NCKAP1: variants seen among roughly 807,000 people sequenced by gnomAD.
NCKAP1 encodes nck-associated protein 1.
A neutral mutation model predicts 151.2 loss-of-function variants in NCKAP1; 21 were observed. That is an observed-to-expected ratio of 0.14 (90% confidence interval 0.10 to 0.20). The LOEUF is 0.20. NCKAP1 is among the 10% of genes least tolerant of loss of function. The probability of loss-of-function intolerance (pLI) is 1.00; values close to 1 mark genes in which losing one functional copy is unlikely to be tolerated. For synonymous variants in NCKAP1, 484 were observed against 451.8 expected, an observed-to-expected ratio of 1.07 and a Z score of -0.90; for missense variants, 933 against 1,352.1, an observed-to-expected ratio of 0.69 and a Z score of 4.86.
At chr2:182,982,772 A>G in intron 12 of NCKAP1, 49 bp downstream of exon 12, 1 of 1,246,264 alleles carries the variant, frequency 8.0e-7, no homozygotes, top group South Asian at 1.4e-5. Flanking sequence ...ATTGTAAATC[A>G]AGAAGCATCT....
intron 2 of NCKAP1, among the ~76,000 whole-genome samples, chr2:183,007,090 C>CTCAAATTCCTAA (rs1194023631): frequency 2.6e-5 from 4 of 152,122 alleles, no homozygotes; most frequent in Non-Finnish European, 5.9e-5. Context: ...TCAGGCTGGT[C>CTCAAATTCCTAA]TCAAATTCCT....
intron 15 of NCKAP1, 67 bp from the exon 16 acceptor site, chr2:182,967,428 A>G: frequency 7.3e-7 from 1 of 1,367,426 alleles, no homozygotes; most frequent in Non-Finnish European, 1.0e-6. Context: ...GTCATTTTAC[A>G]GGGGGAAAAG....
intron 15 of NCKAP1, among the ~76,000 whole-genome samples, chr2:182,971,221 C>G (rs576269343): frequency 6.6e-6 from 1 of 150,736 alleles, no homozygotes; most frequent in African/African-American, 2.4e-5. Context: ...GGTGAAACCC[C>G]GTCTCTACTA....
chr2:183,025,018 AG>A, intron 1 of NCKAP1: 13 of 1,609,696 alleles, frequency 8.1e-6, no homozygotes, highest in Non-Finnish European at 1.1e-5. Flanking sequence ...TGTAATAAAA[AG>A]AGAGAAAATT....
At chr2:183,005,143 CTT>C (rs920356253) in intron 2 of NCKAP1, among the ~76,000 whole-genome samples, 2 of 152,116 alleles carry the variant, frequency 1.3e-5, no homozygotes, top group Non-Finnish European at 2.9e-5. Context: ...GAATTGATGT[CTT>C]AGTCCTTTTT....
intron 2 of NCKAP1, among the ~76,000 whole-genome samples, chr2:183,019,116 T>C (rs7558834): frequency 0.048 from 7,378 of 152,262 alleles, 588 homozygotes; most frequent in African/African-American, 0.17. Context: ...ATCACTCCTG[T>C]GGCACTCTAC....
intron 1 of NCKAP1, among the ~76,000 whole-genome samples, chr2:183,027,141 T>C (rs1161674241): frequency 2.0e-5 from 3 of 152,298 alleles, no homozygotes; most frequent in South Asian, 2.1e-4. Flanking sequence ...AGACAGGCTG[T>C]CCATGTTTAA....
chr2:182,935,763 G>A (rs958744796), intron 24 of NCKAP1, among the ~76,000 whole-genome samples: 16 of 152,034 alleles, frequency 1.1e-4, no homozygotes, highest in Non-Finnish European at 2.1e-4. Context: ...GAAAGAAGCT[G>A]ATCAGAGTGA....
intron 2 of NCKAP1, among the ~76,000 whole-genome samples, chr2:183,007,136 G>C (rs1324170196): frequency 6.6e-6 from 1 of 152,180 alleles, no homozygotes; most frequent in Non-Finnish European, 1.5e-5. Flanking sequence ...GCCTCCCAAA[G>C]TGCTGGGATT....
At chr2:182,946,411 A>AT (rs35361027) in intron 23 of NCKAP1, among the ~76,000 whole-genome samples, 1 of 151,882 alleles carries the variant, frequency 6.6e-6, no homozygotes, top group African/African-American at 2.4e-5. Flanking sequence ...CAAAAAAAAA[A>AT]GGAGCGACAC....
intron 23 of NCKAP1, among the ~76,000 whole-genome samples, chr2:182,947,597 T>C (rs1055279956): frequency 6.6e-6 from 1 of 152,202 alleles, no homozygotes; most frequent in Non-Finnish European, 1.5e-5. Flanking sequence ...GATTATTTTA[T>C]AGAGATATAT....
rs1379546461 is a variant in NCKAP1, at chr2:182,912,868, G to GGAAA, written c.*12833_*12834insTTTC. ...AGGAAGAAAGGAAGGAAGGAAGGAA[G>GGAAA]GAAGGAAGGAAGGAAGGAAAGAATT... On this transcript the variant is annotated 3_prime_UTR_variant, in exon 31 of 31. Coordinates refer to ENST00000361354, the MANE Select transcript of NCKAP1 (RefSeq NM_013436.5). The GGAAA allele has an allele frequency of 6.6e-6, 1 of 152,058 alleles. No homozygotes were observed. The highest frequency in any genetic ancestry group is 1.5e-5 in the Non-Finnish European group (1 of 68,018). The allele number at this position is 152,058 out of a possible 1,614,324, so 9.4% of individuals were successfully genotyped here.
At chr2:183,022,132 A>G (rs575736077) in intron 2 of NCKAP1, among the ~76,000 whole-genome samples, 30 of 152,314 alleles carry the variant, frequency 2.0e-4, no homozygotes, top group African/African-American at 7.2e-4. Context: ...TTGTTTCACC[A>G]GATACTTCTA....
In NCKAP1 at chr2:182,986,534, T is replaced by A. The variant is rs186681287; in HGVS notation, c.948-307A>T. On this transcript the variant is annotated intron_variant, in intron 9 of 30. Coordinates refer to ENST00000361354, the MANE Select transcript of NCKAP1 (RefSeq NM_013436.5). ...CCAATGGAGACACTGAAATTATACT[T>A]CTGATGTAATTAACATCAGAAGTGA... is the stretch of plus-strand genomic sequence containing the variant. Among the ~76,000 whole-genome samples, 4 of 152,308 alleles carry A rather than the reference T, an allele frequency of 2.6e-5. No homozygotes were observed. The East Asian group carries it at 7.7e-4, about 29-fold the overall frequency.
chr2:182,935,122 C>CA, intron 25 of NCKAP1, 171 bp downstream of exon 25: 1 of 601,542 alleles, frequency 1.7e-6, no homozygotes, highest in South Asian at 2.5e-5. Flanking sequence ...AGTACCAAAA[C>CA]AAAAAATGAG....
At chr2:182,979,469 A>G (rs1697894459) in intron 13 of NCKAP1, among the ~76,000 whole-genome samples, 1 of 152,154 alleles carries the variant, frequency 6.6e-6, no homozygotes, top group Admixed American at 6.6e-5. Context: ...AACTGTATTT[A>G]AAGTGGATGC....
chr2:183,004,290 G>A (rs1268416757), intron 2 of NCKAP1, among the ~76,000 whole-genome samples: 1 of 152,082 alleles, frequency 6.6e-6, no homozygotes, highest in Admixed American at 6.6e-5. Context: ...CAAAATAGCA[G>A]ATTTGCTATC....
chr2:183,006,511 T>C lies in NCKAP1; in HGVS notation c.220-3186A>G, dbSNP rs186270484. ...GATTGTTCCAAACATTTTACAGGTC[T>C]CTCACACAATCCTCTCAATATCTCT... On this transcript the variant is annotated intron_variant, in intron 2 of 30. Coordinates refer to ENST00000361354, the MANE Select transcript of NCKAP1 (RefSeq NM_013436.5). 1.8e-4 allele frequency among the ~76,000 whole-genome samples: 28 copies of C among 152,326 alleles called. 1 individual carries two copies.
chr2:182,970,594 C>A (rs1176772470), intron 15 of NCKAP1, among the ~76,000 whole-genome samples: 1 of 151,950 alleles, frequency 6.6e-6, no homozygotes, highest in African/African-American at 2.4e-5. Context: ...AAAAACATAC[C>A]TCTTAACAAA....
Sources: gnomAD v4.1 joint callset for allele counts (sites outside exome capture counted in the v4.1 genomes callset) on GRCh38, gnomAD v4.1.1 for gene constraint, MANE v1.5 for transcripts, NCBI Gene and HGNC (gene_info 2026-07-23, HGNC 2026-07-21) for gene names.